Variants in FRMPD4 observed in about 807,000 individuals in gnomAD.
The protein encoded by FRMPD4 is FERM and PDZ domain-containing protein 4.
Under a neutral mutation model 94.1 loss-of-function variants are expected in FRMPD4, and 22 were observed. That is an observed-to-expected ratio of 0.23 (90% confidence interval 0.17 to 0.33). FRMPD4 has a LOEUF of 0.33. Ranked by LOEUF, FRMPD4 falls within the 10% of genes least tolerant of loss-of-function variation. The pLI is 1.00. For synonymous variants in FRMPD4, 631 were observed against 548.6 expected (o/e 1.15, Z -2.10); for missense variants, 1,111 against 1,339.9 (o/e 0.83, Z 2.67).
At chrX:12,677,580 A>G (rs1309841078) in intron 5 of FRMPD4, among the ~76,000 whole-genome samples, 1 of 112,407 alleles carries the variant, frequency 8.9e-6, no homozygotes, top group African/African-American at 3.2e-5. Flanking sequence ...GCAGACCAAA[A>G]GAAAGTCCAT....
intron 1 of FRMPD4, among the ~76,000 whole-genome samples, chrX:11,844,570 C>G (rs1027565931): frequency 4.5e-5 from 5 of 110,133 alleles, no homozygotes; most frequent in Non-Finnish European, 9.5e-5. Context: ...TATTTTGTGG[C>G]CTCCATTGTT....
At chrX:12,679,554 C>T (rs909754815) in intron 5 of FRMPD4, among the ~76,000 whole-genome samples, 19 of 111,802 alleles carry the variant, frequency 1.7e-4, no homozygotes, top group Non-Finnish European at 3.4e-4. Context: ...GTACTTGTGG[C>T]AGGAGCTAAC....
intron 2 of FRMPD4, among the ~76,000 whole-genome samples, chrX:12,596,688 C>T (rs1468141947): frequency 1.8e-5 from 2 of 110,772 alleles, no homozygotes; most frequent in African/African-American, 6.6e-5. Flanking sequence ...TCTGAAGATC[C>T]CTACCCCTGG....
intron 3 of FRMPD4, among the ~76,000 whole-genome samples, chrX:11,954,761 A>G (rs867145230): frequency 9.1e-6 from 1 of 110,440 alleles, no homozygotes; most frequent in Admixed American, 9.6e-5. Context: ...ATATCTGTCA[A>G]TATAGTTTCT....
At chrX:12,641,837 G>C (rs1226835582) in intron 4 of FRMPD4, among the ~76,000 whole-genome samples, 1 of 112,390 alleles carries the variant, frequency 8.9e-6, no homozygotes, top group African/African-American at 3.2e-5. Flanking sequence ...TCTGACTAGG[G>C]TGATGGATCA....
At chrX:12,228,622 GC>G (rs2056949642) in intron 1 of FRMPD4, among the ~76,000 whole-genome samples, 1 of 112,343 alleles carries the variant, frequency 8.9e-6, no homozygotes, top group South Asian at 3.6e-4. Context: ...ATTTTAATAA[GC>G]CACAGTTGTC....
chrX:12,165,950 G>A (rs935741470), intron 1 of FRMPD4, among the ~76,000 whole-genome samples: 1 of 111,334 alleles, frequency 9.0e-6, no homozygotes, highest in African/African-American at 3.3e-5. Flanking sequence ...GAGATTTTGG[G>A]CTGAGACAAT....
In FRMPD4 at chrX:11,961,079, T is replaced by G. The variant is rs750870007; in HGVS notation, c.95+83061T>G. On this transcript the variant is annotated intron_variant, in intron 3 of 18. Coordinates refer to the FRMPD4 transcript ENST00000640291. ...CCCTTGGAATTTTCTAACTGTTCTT[T>G]GATCGTACAAATTTCTATAGTCACT... 1.4e-4 allele frequency among the ~76,000 whole-genome samples: 16 copies of G among 112,064 alleles called. No individual in the cohort carries two copies. The South Asian group carries it at 5.7e-3, about 40-fold the overall frequency.
chrX:11,856,241 A>G (rs2053652994), intron 1 of FRMPD4, among the ~76,000 whole-genome samples: 1 of 111,908 alleles, frequency 8.9e-6, no homozygotes, highest in East Asian at 2.8e-4. Context: ...GGGAACTACA[A>G]TTCAAGATGA....
intron 1 of FRMPD4, among the ~76,000 whole-genome samples, chrX:11,849,778 C>T (rs1445931575): frequency 9.2e-6 from 1 of 109,050 alleles, no homozygotes; most frequent in African/African-American, 3.4e-5. Context: ...AAAATTAACT[C>T]AAAGTAGATC....
At chrX:12,165,657 C>T (rs1412207823) in intron 1 of FRMPD4, among the ~76,000 whole-genome samples, 1 of 111,558 alleles carries the variant, frequency 9.0e-6, no homozygotes, top group African/African-American at 3.3e-5. Context: ...GCCATTTTCA[C>T]GATATTGATT....
At chrX:12,682,411 A>G (rs371899037) in intron 5 of FRMPD4, among the ~76,000 whole-genome samples, 18 of 112,310 alleles carry the variant, frequency 1.6e-4, no homozygotes, top group East Asian at 1.1e-3. Flanking sequence ...AACAGCCTCT[A>G]TGTCTTAAGA....
At chrX:12,307,779 A>G (rs2054966344) in intron 1 of FRMPD4, among the ~76,000 whole-genome samples, 1 of 112,044 alleles carries the variant, frequency 8.9e-6, no homozygotes, top group Admixed American at 9.5e-5. Context: ...GTGGAAGGGA[A>G]GGGGCCTTCA....
At chrX:12,372,530 G>T (rs1218532004) in intron 1 of FRMPD4, among the ~76,000 whole-genome samples, 1 of 112,885 alleles carries the variant, frequency 8.9e-6, no homozygotes, top group East Asian at 2.8e-4. Context: ...GGACCTGCTG[G>T]AATGTTCCTC....
intron 1 of FRMPD4, among the ~76,000 whole-genome samples, chrX:12,444,862 C>T (rs886507052): frequency 3.6e-5 from 4 of 112,093 alleles, no homozygotes; most frequent in African/African-American, 1.3e-4. Context: ...CACCACCTTC[C>T]GACACTGTTG....
chrX:12,592,114 A>G, intron 2 of FRMPD4, among the ~76,000 whole-genome samples: 2 of 111,600 alleles, frequency 1.8e-5, no homozygotes, highest in Admixed American at 1.9e-4. Flanking sequence ...GTCCTGCCCC[A>G]TACTCCAAAG....
intron 1 of FRMPD4, among the ~76,000 whole-genome samples, chrX:12,350,604 T>G (rs1232304817): frequency 1.8e-5 from 2 of 112,467 alleles, no homozygotes; most frequent in African/African-American, 6.5e-5. Flanking sequence ...TGATTAAAAC[T>G]ACCCGGATAT....
intron 1 of FRMPD4, among the ~76,000 whole-genome samples, chrX:12,144,880 TATG>T (rs2055742158): frequency 9.1e-6 from 1 of 109,664 alleles, no homozygotes; most frequent in Non-Finnish European, 1.9e-5. Context: ...TAAGCAAAGT[TATG>T]ATGATATTGA....
intron 1 of FRMPD4, among the ~76,000 whole-genome samples, chrX:12,203,463 C>T (rs1418677108): frequency 4.5e-5 from 5 of 111,836 alleles, no homozygotes; most frequent in Non-Finnish European, 9.4e-5. Context: ...CCAGCTGCTG[C>T]CAGTGAATAA....
Sources: gnomAD v4.1 joint callset for allele counts (sites outside exome capture counted in the v4.1 genomes callset) on GRCh38, gnomAD v4.1.1 for gene constraint, MANE v1.5 for transcripts, NCBI Gene and HGNC (gene_info 2026-07-23, HGNC 2026-07-21) for gene names.